TDRD12: variants seen among roughly 807,000 people sequenced by gnomAD.
The protein encoded by TDRD12 is putative ATP-dependent RNA helicase TDRD12.
A neutral mutation model predicts 133.5 loss-of-function variants in TDRD12; 158 were observed. The ratio of observed to expected loss-of-function variants is 1.18; its 90% CI spans 1.04 to 1.35. The LOEUF (loss-of-function observed/expected upper bound fraction) is 1.35. Among genes scored for constraint, TDRD12 ranks in the 40% most tolerant of loss-of-function variants. The pLI is 0.00. For synonymous variants in TDRD12, 460 were observed against 477.9 expected, an observed-to-expected ratio of 0.96 and a Z score of 0.49; for missense variants, 1,443 against 1,321.3, an observed-to-expected ratio of 1.09 and a Z score of -1.43.
At chr19:32,727,156 A>C (rs1225695147) in intron 1 of TDRD12, among the ~76,000 whole-genome samples, 2 of 152,164 alleles carry the variant, frequency 1.3e-5, no homozygotes, top group African/African-American at 4.8e-5. Context: ...TTTTGACAGT[A>C]GTTATCCTCA....
chr19:32,799,306 C>G (rs1340445580), intron 16 of TDRD12, among the ~76,000 whole-genome samples: 1 of 152,200 alleles, frequency 6.6e-6, no homozygotes, highest in Non-Finnish European at 1.5e-5. Flanking sequence ...GCATACTGCT[C>G]TGTGCAGCAT....
At chr19:32,757,252 G>T in intron 8 of TDRD12, 122 bp downstream of exon 8, 1 of 797,560 alleles carries the variant, frequency 1.3e-6, no homozygotes, top group South Asian at 1.8e-5. Context: ...TTAATTTAAT[G>T]TAACCAATTT....
chr19:32,733,659 T>C (rs914410203), intron 2 of TDRD12, among the ~76,000 whole-genome samples: 1 of 152,054 alleles, frequency 6.6e-6, no homozygotes, highest in Non-Finnish European at 1.5e-5. Context: ...CTGACCCTCC[T>C]TGTGGCCTTA....
At chr19:32,770,250 A>ACC (rs1413013343) in intron 8 of TDRD12, among the ~76,000 whole-genome samples, 1 of 151,868 alleles carries the variant, frequency 6.6e-6, no homozygotes, top group African/African-American at 2.4e-5. Flanking sequence ...CAAGTGATCC[A>ACC]CCTGCCTTGG....
At chr19:32,731,869 T>C (rs1014296688) in exon 2 of TDRD12, 7 of 1,546,426 alleles carry the variant, frequency 4.5e-6, no homozygotes, top group African/African-American at 1.4e-5. Context: ...ACCCTTAACA[T>C]TGGAAGAAGG....
intron 13 of TDRD12, 44 bp from the exon 14 acceptor site, chr19:32,794,583 GT>G: frequency 1.5e-6 from 1 of 687,558 alleles, no homozygotes; most frequent in Non-Finnish European, 2.7e-6. Flanking sequence ...GTTTTTGTTA[GT>G]TTTCTCTACC....
At chr19:32,806,292 A>C (rs2145716047) in intron 21 of TDRD12, among the ~76,000 whole-genome samples, 1 of 151,860 alleles carries the variant, frequency 6.6e-6, no homozygotes, top group African/African-American at 2.4e-5. Flanking sequence ...TGGTACATTA[A>C]ATGTGTTACT....
chr19:32,732,946 GAA>G (rs2145439567), intron 2 of TDRD12, among the ~76,000 whole-genome samples: 1 of 152,314 alleles, frequency 6.6e-6, no homozygotes, highest in Non-Finnish European at 1.5e-5. Flanking sequence ...GCCAAGGAAA[GAA>G]GATTGCTTGA....
At chr19:32,802,868 C>T (rs542207020) in intron 20 of TDRD12, 54 bp from the exon 21 acceptor site, 128 of 1,528,232 alleles carry the variant, frequency 8.4e-5, no homozygotes, top group Admixed American at 1.2e-4. Flanking sequence ...ACAAGGTTTC[C>T]TCAGTCAGAC....
intron 21 of TDRD12, among the ~76,000 whole-genome samples, chr19:32,803,493 T>C (rs992084967): frequency 2.0e-5 from 3 of 152,212 alleles, no homozygotes; most frequent in African/African-American, 4.8e-5. Context: ...TCACAGTGTG[T>C]GTATCCATTC....
At chr19:32,818,894 GGGCTGCTGGGCTAGT>G (rs1477430407) in intron 27 of TDRD12, among the ~76,000 whole-genome samples, 1 of 152,170 alleles carries the variant, frequency 6.6e-6, no homozygotes, top group Non-Finnish European at 1.5e-5. Flanking sequence ...CTGGACTAGT[GGGCTGCTGGGCTAGT>G]GACTTGCTGG....
downstream of TDRD12, chr19:32,829,556 T>G (rs1967690679): frequency 2.0e-5 from 3 of 152,388 alleles, no homozygotes; most frequent in South Asian, 6.2e-4. Context: ...GTATCATCAA[T>G]AAAATTTCAC....
intron 11 of TDRD12, among the ~76,000 whole-genome samples, chr19:32,784,625 T>C (rs950810104): frequency 5.9e-5 from 9 of 152,172 alleles, no homozygotes; most frequent in African/African-American, 1.9e-4. Flanking sequence ...TCCTGGAATT[T>C]TTTTTGGTTG....
intron 25 of TDRD12, 79 bp from the exon 26 acceptor site, chr19:32,815,369 A>C: frequency 8.2e-7 from 1 of 1,216,308 alleles, no homozygotes; most frequent in Non-Finnish European, 1.1e-6. Context: ...TGAACCAGAG[A>C]GGCCCTGTGG....
At chr19:32,748,585 C>A in intron 5 of TDRD12, 54 bp downstream of exon 5, 1 of 1,502,310 alleles carries the variant, frequency 6.7e-7, no homozygotes, top group Non-Finnish European at 9.0e-7. Flanking sequence ...CCACAGAGGC[C>A]TCAGCTTCTG....
intron 3 of TDRD12, among the ~76,000 whole-genome samples, chr19:32,742,162 T>TTA (rs1969447964): frequency 6.6e-6 from 1 of 151,332 alleles, no homozygotes; most frequent in South Asian, 2.1e-4. Flanking sequence ...TATTAGACTT[T>TTA]TTTTTTTTTT....
At chr19:32,820,916 A>G in intron 27 of TDRD12, 117 bp from the exon 28 acceptor site, 1 of 715,988 alleles carries the variant, frequency 1.4e-6, no homozygotes, top group East Asian at 2.7e-5. Context: ...CATAAGCTCT[A>G]CGTGGGTCTG....
chr19:32,757,066 A>G lies in TDRD12; in HGVS notation c.801A>G (p.Gln267=), dbSNP rs772530801. The change falls in exon 8 of 28, where the codon CAA becomes CAG. Residue 267 remains glutamine, a synonymous_variant. Coordinates refer to ENST00000444215, the Ensembl canonical transcript of TDRD12. ...CACATGGTGTAAATTTTCCGGCACA[A>G]TCTCTGCAACATACATGGTGCAAGG... The G allele has an allele frequency of 2.0e-5, 31 of 1,551,778 alleles. No individual in the cohort carries two copies. In the Admixed American group the frequency reaches 2.9e-4, roughly 15 times the overall value.
At chr19:32,751,805 C>T (rs1164933288) in intron 6 of TDRD12, among the ~76,000 whole-genome samples, 2 of 152,068 alleles carry the variant, frequency 1.3e-5, no homozygotes, top group African/African-American at 2.4e-5. Context: ...GCCTTGTCCT[C>T]CCAAAGTGCT....
Sources: gnomAD v4.1 joint callset for allele counts (sites outside exome capture counted in the v4.1 genomes callset) on GRCh38, gnomAD v4.1.1 for gene constraint, MANE v1.5 for transcripts, NCBI Gene and HGNC (gene_info 2026-07-23, HGNC 2026-07-21) for gene names.